FKBP9: variants seen among roughly 807,000 people sequenced by gnomAD.
The protein encoded by FKBP9 is peptidyl-prolyl cis-trans isomerase FKBP9.
FKBP9 carries 27 observed loss-of-function variants against 55.6 expected under a neutral mutation model. The observed-to-expected ratio is 0.49, with a 90% confidence interval of 0.36 to 0.67. The LOEUF (loss-of-function observed/expected upper bound fraction) is 0.67. Among genes scored for constraint, FKBP9 ranks in the 30% least tolerant of loss-of-function variants. The pLI is 0.00. For missense variants in FKBP9, 539 were observed against 742.8 expected, an observed-to-expected ratio of 0.73 and a Z score of 3.19; for synonymous variants, 267 against 296.5, an observed-to-expected ratio of 0.90 and a Z score of 1.02.
chr7:32,971,663 G>A (rs1191477194), intron 1 of FKBP9, among the ~76,000 whole-genome samples: 3 of 152,138 alleles, frequency 2.0e-5, no homozygotes, highest in Non-Finnish European at 2.9e-5. Flanking sequence ...TGTATTTTTA[G>A]TAGAGATGGG....
intron 1 of FKBP9, among the ~76,000 whole-genome samples, chr7:32,964,756 G>A (rs1313247079): frequency 6.6e-6 from 1 of 152,218 alleles, no homozygotes; most frequent in Non-Finnish European, 1.5e-5. Context: ...TAGGCAAAGG[G>A]TCCAGAAAGC....
intron 6 of FKBP9, 128 bp downstream of exon 6, chr7:32,988,780 A>G (rs1374050632): frequency 1.1e-6 from 1 of 894,388 alleles, no homozygotes; most frequent in African/African-American, 1.7e-5. Flanking sequence ...CAGGCTGGAA[A>G]GTGTAGTGTG....
At position 33,006,161 on chromosome 7, in the gene FKBP9, A is replaced by G; in HGVS notation, c.*810A>G. 2 of 176,070 alleles carry G rather than the reference A, an allele frequency of 1.1e-5. No individual in the cohort carries two copies. The highest frequency in any genetic ancestry group is 2.1e-5 in the Non-Finnish European group (2 of 93,804). 10.9% of individuals were successfully genotyped at this position (176,070 alleles called of 1,614,324 possible). On this transcript the variant is annotated 3_prime_UTR_variant, in exon 10 of 10. Transcript: ENST00000242209. ...CGCCAGGCTGGAGTGCAGTGGTGCC[A>G]TCTCGGCTCACTGCAGCACTGTCTC...
Position 32,988,514 on chromosome 7 carries a change from C to G in FKBP9, c.901C>G (p.Arg301Gly). 1 of 1,613,904 alleles carries G rather than the reference C, an allele frequency of 6.2e-7. No homozygotes were observed. The highest frequency in any genetic ancestry group is 8.5e-7 in the Non-Finnish European group (1 of 1,179,830). The change falls in exon 6 of 10, where the codon CGG (arginine) becomes GGG (glycine). Residue 301 changes from arginine to glycine, a missense_variant. By Grantham distance (125) the Arg-to-Gly change is moderately radical. Coordinates refer to ENST00000242209, the MANE Select transcript of FKBP9 (RefSeq NM_007270.5). Reference sequence around the variant, plus strand: ...TCCTTTCTTCTTTTCTAGCTACTCTCGGAACCGCACGTTTGACACGTACAT... The same window carrying G: ...TCCTTTCTTCTTTTCTAGCTACTCTGGGAACCGCACGTTTGACACGTACAT... ...DGTLFDSSYS[R>G]NRTFDTYIGQ...
intron 1 of FKBP9, among the ~76,000 whole-genome samples, chr7:32,972,873 C>T (rs1784280353): frequency 6.6e-6 from 1 of 152,104 alleles, no homozygotes. Flanking sequence ...CAGGTGCACA[C>T]CACCACGCCT....
intron 1 of FKBP9, among the ~76,000 whole-genome samples, chr7:32,961,501 CAG>C (rs1450019325): frequency 2.0e-5 from 3 of 152,078 alleles, no homozygotes; most frequent in African/African-American, 7.2e-5. Context: ...TGCTCTAAAA[CAG>C]GGGTACTGAA....
intron 1 of FKBP9, among the ~76,000 whole-genome samples, chr7:32,958,296 T>C (rs1471612089): frequency 1.3e-5 from 2 of 152,260 alleles, no homozygotes; most frequent in East Asian, 3.9e-4. Context: ...GTAGGTGTAG[T>C]TCTAAGTACT....
At chr7:33,003,808 C>T (rs540927542) in intron 9 of FKBP9, among the ~76,000 whole-genome samples, 1 of 152,324 alleles carries the variant, frequency 6.6e-6, no homozygotes, top group East Asian at 1.9e-4. Context: ...TAAGTCTTGA[C>T]CTTTGTTCTT....
chr7:32,978,260 G>T (rs1329459286), intron 4 of FKBP9, among the ~76,000 whole-genome samples: 1 of 151,352 alleles, frequency 6.6e-6, no homozygotes, highest in Non-Finnish European at 1.5e-5. Flanking sequence ...TCTGCAGATG[G>T]TTTCTTAAAC....
In FKBP9 at chr7:32,980,222, C is replaced by A. The variant is rs1164752398; in HGVS notation, c.704-142C>A. 5 of 665,910 alleles carry A rather than the reference C, an allele frequency of 7.5e-6. No homozygotes were observed. In the Admixed American group the frequency reaches 1.5e-4, roughly 20 times the overall value. The allele number at this position is 665,910 out of a possible 1,614,324, so 41.3% of individuals were successfully genotyped here. ...GCCCATGGTTGGACACCATGGGGGC[C>A]CATTCAAGACCTGGAAGAACATTTG... On this transcript the variant is annotated intron_variant, in intron 4 of 9. Coordinates refer to ENST00000242209, the MANE Select transcript of FKBP9 (RefSeq NM_007270.5).
intron 8 of FKBP9, among the ~76,000 whole-genome samples, chr7:33,000,469 T>C (rs1229282711): frequency 6.6e-6 from 1 of 152,086 alleles, no homozygotes; most frequent in Non-Finnish European, 1.5e-5. Flanking sequence ...CATTACCCTC[T>C]TGAGAAAGAA....
intron 6 of FKBP9, among the ~76,000 whole-genome samples, chr7:32,992,394 C>T (rs1414153438): frequency 6.6e-6 from 1 of 152,072 alleles, no homozygotes; most frequent in African/African-American, 2.4e-5. Flanking sequence ...GGAAATCCAC[C>T]CCCAGCAGGA....
intron 9 of FKBP9, among the ~76,000 whole-genome samples, chr7:33,004,740 G>A (rs1481342991): frequency 6.6e-6 from 1 of 152,142 alleles, no homozygotes; most frequent in Non-Finnish European, 1.5e-5. Flanking sequence ...AGCATCACAG[G>A]GGCAGGGTGT....
intron 5 of FKBP9, among the ~76,000 whole-genome samples, chr7:32,985,182 T>TC (rs1562570062): frequency 6.6e-6 from 1 of 150,534 alleles, no homozygotes; most frequent in African/African-American, 2.4e-5. Flanking sequence ...TTCTTTCTTT[T>TC]TTTTTTTTTT....
At chr7:32,990,264 C>T (rs539754245) in intron 6 of FKBP9, among the ~76,000 whole-genome samples, 7 of 152,052 alleles carry the variant, frequency 4.6e-5, no homozygotes, top group South Asian at 4.2e-4. Context: ...GGGGTCAGAC[C>T]GGGGAAAAAG....
At chr7:32,957,910 C>G in intron 1 of FKBP9, 116 bp downstream of exon 1, 1 of 808,536 alleles carries the variant, frequency 1.2e-6, no homozygotes. Context: ...CGCGCTCCTC[C>G]CTTCTTCCGC....
chr7:33,003,746 G>A (rs1311534616), intron 9 of FKBP9, among the ~76,000 whole-genome samples: 3 of 152,154 alleles, frequency 2.0e-5, no homozygotes, highest in Non-Finnish European at 2.9e-5. Flanking sequence ...TCCCTGGTAC[G>A]TCCCTCTCAG....
At chr7:32,960,083 C>T (rs927315502) in intron 1 of FKBP9, among the ~76,000 whole-genome samples, 4 of 149,472 alleles carry the variant, frequency 2.7e-5, no homozygotes, top group African/African-American at 9.9e-5. Context: ...TAGTTCTCCA[C>T]GGTCTCAACA....
At chr7:32,979,555 A>G (rs13232419) in intron 4 of FKBP9, 2 of 1,550,374 alleles carry the variant, frequency 1.3e-6, no homozygotes, top group East Asian at 2.4e-5. Flanking sequence ...GTCTGGGCCT[A>G]CTCCTTTGCA....
Sources: allele counts gnomAD v4.1 joint callset (sites outside exome capture counted in the v4.1 genomes callset), GRCh38; gene constraint gnomAD v4.1.1; transcripts MANE v1.5; gene names NCBI Gene and HGNC (gene_info 2026-07-23, HGNC 2026-07-21).